ZNF768: variants seen among roughly 807,000 people sequenced by gnomAD.
ZNF768 encodes the protein zinc finger protein 768.
Under a neutral mutation model 39.7 loss-of-function variants are expected in ZNF768, and 12 were observed. That is an observed-to-expected ratio of 0.30 (90% CI 0.19 to 0.49). The LOEUF (loss-of-function observed/expected upper bound fraction) is 0.49, where lower values mean the gene tolerates loss of function less well. Among genes scored for constraint, ZNF768 ranks in the 20% least tolerant of loss-of-function variants. The probability of loss-of-function intolerance (pLI) is 0.99; values close to 1 mark genes in which losing one functional copy is unlikely to be tolerated. For missense variants in ZNF768, 613 were observed against 723.2 expected, an observed-to-expected ratio of 0.85 and a Z score of 1.75; for synonymous variants, 360 against 288.4, an observed-to-expected ratio of 1.25 and a Z score of -2.52.
In ZNF768 at chr16:30,524,790, G is replaced by A. The variant is rs779888474; in HGVS notation, c.1350C>T (p.Thr450=). 45 of 1,611,242 alleles carry A rather than the reference G, an allele frequency of 2.8e-5. No individual in the cohort carries two copies. In the South Asian group the frequency reaches 4.7e-4, roughly 17 times the overall value. The change falls in exon 2 of 2, where the codon ACC becomes ACT. Residue 450 remains threonine (T), a synonymous_variant. Coordinates refer to ENST00000380412, the MANE Select transcript of ZNF768 (RefSeq NM_024671.4). The part of the protein sequence containing the change: ...QSSVLAIHAR[T]HLPGRTYSCP... ...AGCTGTAGGTGCGGCCTGGCAGGTG[G>A]GTGCGGGCGTGGATGGCCAGCACCG...
At chr16:30,526,716 G>GGC, upstream of ZNF768, 1 of 795,468 alleles carries the variant, frequency 1.3e-6, no homozygotes, top group Non-Finnish European at 1.5e-6. Context: ...GCGGCCCCCG[G>GGC]CCCCCGCTCC....
chr16:30,525,476 CCCCTGTGGGCATCTCAAAAGGTGG>C lies in ZNF768; in HGVS notation c.640_663del (p.Pro214_Gly221del). ...TCAAACTGCGGTGTAGACAGCAGGG[CCCCTGTGGGCATCTCAAAAGGTGG>C]CCCTATGGGCAGGTCCCCTGTGGGC... On this transcript the variant is annotated inframe_deletion, in exon 2 of 2. Coordinates refer to ENST00000380412, the MANE Select transcript of ZNF768 (RefSeq NM_024671.4). 2 of 1,614,126 alleles carry C rather than the reference CCCCTGTGGGCATCTCAAAAGGTGG, an allele frequency of 1.2e-6. No homozygotes were observed. Among genetic ancestry groups the C allele is most frequent in the Non-Finnish European group, 1.7e-6 (2 of 1,180,030 alleles).
chr16:30,530,111 G>T (rs1252442257), upstream of ZNF768, among the ~76,000 whole-genome samples: 1 of 152,106 alleles, frequency 6.6e-6, no homozygotes, highest in Non-Finnish European at 1.5e-5. This position sits in a 1 kb window ranked among gnomAD's most constrained non-coding sequence, Gnocchi z 4.4. Context: ...TTACAGGTGT[G>T]AGCCACCACG....
chr16:30,525,885 CCCCGGGCTTTCAGGCTCAAAT>C lies in ZNF768; in HGVS notation c.234_254del (p.Pro81_Glu87del), dbSNP rs758935360. On this transcript the variant is annotated inframe_deletion, in exon 2 of 2. Coordinates refer to ENST00000380412, the MANE Select transcript of ZNF768 (RefSeq NM_024671.4). The stretch of plus-strand genomic sequence containing the variant: ...CAAGCCCAGGGCTTCGGGACTCAAA[CCCCGGGCTTTCAGGCTCAAAT>C]CTGGGGCTTTGGGGTTCAAACTCTG... The C allele has an allele frequency of 6.6e-7, 1 of 1,519,034 alleles. No homozygotes were observed. The highest frequency in any genetic ancestry group is 2.3e-5 in the East Asian group (1 of 44,026). The allele number at this position is 1,519,034 out of a possible 1,614,324, so 94.1% of individuals were successfully genotyped here.
chr16:30,524,343 C>G lies in ZNF768; in HGVS notation c.*174G>C. 8.8e-7 allele frequency: 1 copy of G among 1,141,884 alleles called. No individual in the cohort carries two copies. The highest frequency in any genetic ancestry group is 1.2e-6 in the Non-Finnish European group (1 of 837,590). The allele number at this position is 1,141,884 out of a possible 1,614,324, so 70.7% of individuals were successfully genotyped here. ...GCTGCCGGCCTGGCCTCCCTCCAAC[C>G]CACTTCCCACAAGTCTCCAGGGCAT... On this transcript the variant is annotated 3_prime_UTR_variant, in exon 2 of 2. Transcript: ENST00000380412.
Position 30,525,853 on chromosome 16 carries a change from G to T in ZNF768, c.287C>A (p.Pro96Gln). Residue 96 changes from proline (P) to glutamine (Q), a missense_variant, in exon 2 of 2, where the codon CCA becomes CAA. Pro to Gln is a moderately conservative substitution (Grantham distance 76). Transcript: ENST00000380412. ...GCTTCTGGGTGCAAACTCAGGGCTT[G>T]GGGGCACAAGCCCAGGGCTTCGGGA... ...FESRSPGLVP[P>Q]SPEFAPRSPE... 6.6e-7 allele frequency: 1 copy of T among 1,525,646 alleles called. No individual in the cohort carries two copies. The highest frequency in any genetic ancestry group is 2.3e-5 in the Admixed American group (1 of 44,346). The allele number at this position is 1,525,646 out of a possible 1,614,324, so 94.5% of individuals were successfully genotyped here.
upstream of ZNF768, chr16:30,527,129 G>A: frequency 3.0e-6 from 3 of 985,384 alleles, no homozygotes; most frequent in Non-Finnish European, 3.6e-6. Context: ...GCGCCAGCGG[G>A]GGCGGTGTCT....
chr16:30,527,343 C>A, upstream of ZNF768: 1 of 976,864 alleles, frequency 1.0e-6, no homozygotes, highest in Non-Finnish European at 1.2e-6. Flanking sequence ...CCTCCCTCCT[C>A]GAGGGCTAGG....
At chr16:30,532,452 C>T in the ZNF768 span, 2 of 1,555,612 alleles carry the variant, frequency 1.3e-6, no homozygotes, top group South Asian at 1.2e-5. Context: ...GGCCCCTGAG[C>T]CCATCTCGGG....
chr16:30,525,483 G>C lies in ZNF768; in HGVS notation c.657C>G (p.Pro219=). 1 of 1,614,132 alleles carries C rather than the reference G, an allele frequency of 6.2e-7. No homozygotes were observed. Among genetic ancestry groups the C allele is most frequent in the Non-Finnish European group, 8.5e-7 (1 of 1,180,026 alleles). ...DLPIGPPFEM[P]TGALLSTPQF... is the part of the protein sequence containing the mutation. ...GCGGTGTAGACAGCAGGGCCCCTGT[G>C]GGCATCTCAAAAGGTGGCCCTATGG... The change falls in exon 2 of 2, where the codon CCC becomes CCG. Residue 219 remains proline (P), a synonymous_variant. Transcript: ENST00000380412.
At position 30,525,364 on chromosome 16, in the gene ZNF768, C is replaced by G. The variant is rs1415375744; in HGVS notation, c.776G>C (p.Arg259Pro). 6.2e-7 allele frequency: 1 copy of G among 1,614,098 alleles called. No individual in the cohort carries two copies. The highest frequency in any genetic ancestry group is 1.3e-5 in the African/African-American group (1 of 75,064). Residue 259 changes from arginine (R) to proline (P), a missense_variant, in exon 2 of 2, where the codon CGG (arginine) becomes CCG (proline). Transcript: ENST00000380412. Reference protein sequence around the residue: ...GGRARGGQGPRPNICGICGKS... With the variant: ...GGRARGGQGPPPNICGICGKS... ...CCCGCAGATGCCACAGATGTTAGGC[C>G]GAGGGCCCTGCCCACCCCTGGCCCG... is the stretch of plus-strand genomic sequence containing the variant.
upstream of ZNF768, chr16:30,526,663 G>A (rs1597119230): frequency 2.0e-5 from 18 of 898,758 alleles, no homozygotes; most frequent in Non-Finnish European, 2.2e-5. Context: ...ACTGGCCCCC[G>A]CGCGTCGCGG....
At chr16:30,529,821 GTTT>G (rs1272934657), upstream of ZNF768, among the ~76,000 whole-genome samples, 13 of 132,712 alleles carry the variant, frequency 9.8e-5, no homozygotes, top group African/African-American at 3.1e-4. Flanking sequence ...GGAGTAGCTA[GTTT>G]TTTTTTTTTT....
At chr16:30,531,075 C>T (rs1245439153), upstream of ZNF768, 2 of 152,250 alleles carry the variant, frequency 1.3e-5, no homozygotes, top group South Asian at 2.1e-4. Flanking sequence ...AAAGATGGTG[C>T]GTACCTAAAG....
upstream of ZNF768, chr16:30,526,720 CCGCTCCCG>C: frequency 2.2e-5 from 18 of 806,256 alleles, no homozygotes; most frequent in Middle Eastern, 6.3e-4. Context: ...CCCCCGGCCC[CCGCTCCCG>C]CCCGAGCCCC....
Position 30,524,858 on chromosome 16 carries a change from G to T in ZNF768, c.1282C>A (p.Pro428Thr). 1 of 1,610,950 alleles carries T rather than the reference G, an allele frequency of 6.2e-7. No individual in the cohort carries two copies. The change falls in exon 2 of 2, where the codon CCC (proline) becomes ACC (threonine). Residue 428 changes from proline (P) to threonine (T), a missense_variant. Physicochemically the swap from Pro to Thr is conservative, Grantham distance 38. This residue lies in a region of ZNF768 where 204 missense variants were observed against 281.7 expected (regional missense o/e 0.72). Coordinates refer to ENST00000380412, the MANE Select transcript of ZNF768 (RefSeq NM_024671.4). ...TTGCCGCACTCAGGGCACTTGAAGG[G>T]CTTCTCCCGGGCGTGGCTGCGGGCA... is the stretch of plus-strand genomic sequence containing the variant. ...PHARSHAREK[P>T]FKCPECGKRF...
the ZNF768 span, chr16:30,532,099 G>A: frequency 4.4e-6 from 1 of 227,480 alleles, no homozygotes; most frequent in African/African-American, 2.3e-5. Context: ...AGTGAGTCGA[G>A]ATCGCACCAT....
chr16:30,526,100 G>A (rs1207287213), intron 1 of ZNF768, 49 bp from the exon 2 acceptor site: 8 of 1,493,284 alleles, frequency 5.4e-6, no homozygotes, highest in Admixed American at 5.0e-5. Flanking sequence ...AGGTCATTTG[G>A]TCCATTAGCA....
chr16:30,525,608 G>T lies in ZNF768; in HGVS notation c.532C>A (p.Leu178Met), dbSNP rs766582965. The T allele has an allele frequency of 6.2e-7, 1 of 1,614,262 alleles. No individual in the cohort carries two copies. Among genetic ancestry groups the T allele is most frequent in the South Asian group, 1.1e-5 (1 of 91,092 alleles). ...SKFQEGAEML[L>M]NPEEKSPLNI... ...AAAGGACTCTTTTCCTCGGGGTTCA[G>T]AAGCATCTCCGCACCTTCCTGGAAT... Residue 178 changes from leucine (L) to methionine (M), a missense_variant, in exon 2 of 2, where the codon CTG (leucine) becomes ATG (methionine). Leu to Met is a conservative substitution (Grantham distance 15, BLOSUM62 2). Coordinates refer to ENST00000380412, the MANE Select transcript of ZNF768 (RefSeq NM_024671.4).
Sources: allele counts gnomAD v4.1 joint callset (sites outside exome capture counted in the v4.1 genomes callset), GRCh38; gene constraint gnomAD v4.1.1; regional missense constraint gnomAD v4.1.1; non-coding constraint Gnocchi (gnomAD v3.1); transcripts MANE v1.5; gene names NCBI Gene and HGNC (gene_info 2026-07-23, HGNC 2026-07-21).